The following ZNF644 variants were observed in gnomAD, a reference collection of about 807,000 sequenced individuals.
ZNF644 encodes zinc finger protein 644.
Under a neutral mutation model 108.0 loss-of-function variants are expected in ZNF644, and 20 were observed. That is an observed-to-expected ratio of 0.19 (90% CI 0.13 to 0.27). The LOEUF (loss-of-function observed/expected upper bound fraction) is 0.27. Ranked by LOEUF, ZNF644 falls within the 10% of genes least tolerant of loss-of-function variation. The probability of loss-of-function intolerance (pLI) is 1.00; values close to 1 mark genes in which losing one functional copy is unlikely to be tolerated. For synonymous variants in ZNF644, 542 were observed against 539.1 expected (o/e 1.01, Z -0.08); for missense variants, 1,338 against 1,548.9 (o/e 0.86, Z 2.29).
In ZNF644 at chr1:90,933,535, G is replaced by C. The variant is rs375487318; in HGVS notation, c.3688+3950C>G. On this transcript the variant is annotated intron_variant, in intron 4 of 5. Coordinates refer to ENST00000337393, the MANE Select transcript of ZNF644 (RefSeq NM_201269.3). ...AAAAATTTGCCAGGCATGATGGCATGAGTCTGTAATCCCAGCTACTCGGGA... is the reference window on the plus strand; with the variant it reads ...AAAAATTTGCCAGGCATGATGGCATCAGTCTGTAATCCCAGCTACTCGGGA... Among the ~76,000 whole-genome samples, 15 of 152,144 alleles carry C rather than the reference G, an allele frequency of 9.9e-5. No individual in the cohort carries two copies. In the South Asian group the frequency reaches 2.5e-3, roughly 25 times the overall value.
intron 5 of ZNF644, among the ~76,000 whole-genome samples, chr1:90,917,200 T>C (rs560065569): frequency 2.0e-5 from 3 of 152,228 alleles, no homozygotes; most frequent in Non-Finnish European, 2.9e-5. Context: ...AATCTTTGTA[T>C]AGGTGGGAGC....
intron 1 of ZNF644, among the ~76,000 whole-genome samples, chr1:90,994,425 G>C (rs964434957): frequency 1.3e-5 from 2 of 152,142 alleles, no homozygotes; most frequent in Non-Finnish European, 2.9e-5. Context: ...TGAGAAAACA[G>C]CTAGAAATTT....
intron 1 of ZNF644, among the ~76,000 whole-genome samples, chr1:90,992,624 T>A (rs1657755177): frequency 6.6e-6 from 1 of 152,154 alleles, no homozygotes; most frequent in Non-Finnish European, 1.5e-5. Flanking sequence ...GAAATATGAG[T>A]TCAGAATTAA....
intron 1 of ZNF644, among the ~76,000 whole-genome samples, chr1:90,986,926 C>A (rs1035102473): frequency 6.6e-6 from 1 of 151,424 alleles, no homozygotes; most frequent in African/African-American, 2.4e-5. Context: ...CTTACCCAAC[C>A]AATGGGTCAA....
At chr1:90,945,961 T>A (rs1304386780) in intron 2 of ZNF644, among the ~76,000 whole-genome samples, 3 of 152,072 alleles carry the variant, frequency 2.0e-5, no homozygotes, top group Non-Finnish European at 2.9e-5. Context: ...ATTATAATGC[T>A]GCCCACTAGC....
At chr1:91,004,736 T>C (rs977724156) in intron 1 of ZNF644, among the ~76,000 whole-genome samples, 2 of 152,166 alleles carry the variant, frequency 1.3e-5, no homozygotes, top group African/African-American at 4.8e-5. Flanking sequence ...AGCAAAATGT[T>C]TGTATATTAT....
Position 91,005,580 on chromosome 1 carries a change from C to T in ZNF644, c.-18+16410G>A, listed in dbSNP as rs965574158. 5.3e-5 allele frequency among the ~76,000 whole-genome samples: 8 copies of T among 152,082 alleles called. No individual in the cohort carries two copies. In the South Asian group the frequency reaches 8.3e-4, roughly 16 times the overall value. On this transcript the variant is annotated intron_variant, in intron 1 of 5. Coordinates refer to ENST00000337393, the MANE Select transcript of ZNF644 (RefSeq NM_201269.3). ...AAAGGAATAAAAATCATAGAGAGTA[C>T]GTTCTCTGACCACAATGGAATGAAA...
At chr1:90,946,592 G>A (rs1409295367) in intron 2 of ZNF644, among the ~76,000 whole-genome samples, 1 of 152,046 alleles carries the variant, frequency 6.6e-6, no homozygotes, top group East Asian at 1.9e-4. Context: ...ACAATTACCT[G>A]AAATAATCCT....
At chr1:90,965,508 C>A (rs1296298360) in intron 2 of ZNF644, among the ~76,000 whole-genome samples, 1 of 152,096 alleles carries the variant, frequency 6.6e-6, no homozygotes, top group Non-Finnish European at 1.5e-5. Context: ...GACAGGATTT[C>A]AACATAAGAA....
Position 90,938,928 on chromosome 1 carries a change from T to C in ZNF644, c.2426A>G (p.Lys809Arg). ...CTTCTTAGATTCCTTAATTACTCTC[T>C]TTACAGCTACACGTCTGTGATCTTT... is the stretch of plus-strand genomic sequence containing the variant. ...SFKDHRRVAV[K>R]RVIKESKKES... The change falls in exon 3 of 6, where the codon AAG becomes AGG. Residue 809 changes from lysine (K) to arginine (R), a missense_variant. This residue lies in a region of ZNF644 where 462 missense variants were observed against 472.6 expected (regional missense o/e 0.98). Coordinates refer to ENST00000337393, the MANE Select transcript of ZNF644 (RefSeq NM_201269.3). The surrounding 1 kb of genome is among the most constrained non-coding windows in gnomAD (Gnocchi z 4.2). The C allele has an allele frequency of 1.2e-6, 2 of 1,614,048 alleles. No homozygotes were observed. The highest frequency in any genetic ancestry group is 1.7e-6 in the Non-Finnish European group (2 of 1,179,956).
rs1406882173 is a variant in ZNF644 at position 90,916,650 on chromosome 1, A to G, written c.*148T>C. 2.5e-6 allele frequency: 2 copies of G among 800,380 alleles called. No individual in the cohort carries two copies. Among genetic ancestry groups the G allele is most frequent in the Non-Finnish European group, 4.1e-6 (2 of 489,002 alleles). 49.6% of individuals were successfully genotyped at this position (800,380 alleles called of 1,614,324 possible). ...ATATAGACTACTTACTGTTTTAAGT[A>G]TTCAATTTGCTCTGATGTCACTGTA... On this transcript the variant is annotated 3_prime_UTR_variant, in exon 6 of 6. Transcript: ENST00000337393.
At chr1:90,974,043 G>A (rs952882739) in intron 2 of ZNF644, among the ~76,000 whole-genome samples, 1 of 152,004 alleles carries the variant, frequency 6.6e-6, no homozygotes, top group African/African-American at 2.4e-5. Flanking sequence ...ATAGGTGTCC[G>A]TATAGATGTG....
intron 1 of ZNF644, among the ~76,000 whole-genome samples, chr1:91,007,233 T>G (rs981307355): frequency 4.5e-5 from 6 of 133,712 alleles, no homozygotes; most frequent in Admixed American, 1.5e-4. Context: ...TTGTTTTTTT[T>G]TTTTTTTTTT....
chr1:91,008,780 C>A (rs1004603853), intron 1 of ZNF644, among the ~76,000 whole-genome samples: 1 of 152,190 alleles, frequency 6.6e-6, no homozygotes, highest in African/African-American at 2.4e-5. Context: ...TCACTATTAA[C>A]GTCTTTACTT....
intron 2 of ZNF644, among the ~76,000 whole-genome samples, chr1:90,953,814 G>A (rs991117052): frequency 1.3e-5 from 2 of 152,124 alleles, no homozygotes; most frequent in African/African-American, 4.8e-5. Flanking sequence ...TACTTGGGAG[G>A]CTGAGGCAGG....
intron 1 of ZNF644, among the ~76,000 whole-genome samples, chr1:91,016,441 G>GCTC (rs1660439840): frequency 6.6e-6 from 1 of 152,144 alleles, no homozygotes; most frequent in Non-Finnish European, 1.5e-5. Context: ...GCTACAACAT[G>GCTC]CTCCTGTAAA....
chr1:90,978,506 A>G (rs923604104), intron 2 of ZNF644, among the ~76,000 whole-genome samples: 1 of 152,256 alleles, frequency 6.6e-6, no homozygotes, highest in Non-Finnish European at 1.5e-5. Context: ...AACAAAGGGC[A>G]GCACATCTAC....
chr1:91,006,500 C>T (rs986671546), intron 1 of ZNF644, among the ~76,000 whole-genome samples: 18 of 152,104 alleles, frequency 1.2e-4, no homozygotes, highest in Admixed American at 1.1e-3. Flanking sequence ...CAAACTCTTC[C>T]AAAAAATAGG....
chr1:90,976,646 A>G (rs1440015694), intron 2 of ZNF644, among the ~76,000 whole-genome samples: 2 of 152,210 alleles, frequency 1.3e-5, no homozygotes, highest in African/African-American at 2.4e-5. Context: ...CTTTCTTTGG[A>G]AAAACTACTG....
Sources: allele counts gnomAD v4.1 joint callset (sites outside exome capture counted in the v4.1 genomes callset), GRCh38; gene constraint gnomAD v4.1.1; regional missense constraint gnomAD v4.1.1; non-coding constraint Gnocchi (gnomAD v3.1); transcripts MANE v1.5; gene names NCBI Gene and HGNC (gene_info 2026-07-23, HGNC 2026-07-21).